FGF12: variants seen among roughly 807,000 people sequenced by gnomAD.
FGF12 encodes the protein fibroblast growth factor 12.
FGF12 carries 14 observed loss-of-function variants against 23.6 expected under a neutral mutation model. The observed-to-expected ratio is 0.59, with a 90% confidence interval of 0.39 to 0.93. FGF12 has a LOEUF of 0.93. Ranked by LOEUF, FGF12 falls within the 40% of genes least tolerant of loss-of-function variation. FGF12 has a pLI of 0.00. For missense variants in FGF12, 175 were observed against 217.8 expected (o/e 0.80, Z 1.24); for synonymous variants, 62 against 77.3 (o/e 0.80, Z 1.04).
intron 4 of FGF12, among the ~76,000 whole-genome samples, chr3:192,248,070 C>A (rs1711747826): frequency 2.0e-5 from 3 of 152,224 alleles, no homozygotes; most frequent in South Asian, 4.2e-4. Context: ...TATCTTGTTC[C>A]AATATACTAT....
At chr3:192,578,120 G>C (rs1712987565) in intron 2 of FGF12, among the ~76,000 whole-genome samples, 1 of 152,132 alleles carries the variant, frequency 6.6e-6, no homozygotes, top group Non-Finnish European at 1.5e-5. Context: ...TGGTACATTT[G>C]TCTGAAAGAT....
chr3:192,192,418 T>A (rs1481299534), intron 4 of FGF12, among the ~76,000 whole-genome samples: 1 of 148,242 alleles, frequency 6.7e-6, no homozygotes, highest in Non-Finnish European at 1.5e-5. Context: ...GTTCAAATCA[T>A]ATATGTACAT....
At chr3:192,545,224 C>A (rs1725466503) in intron 2 of FGF12, among the ~76,000 whole-genome samples, 1 of 152,212 alleles carries the variant, frequency 6.6e-6, no homozygotes, top group African/African-American at 2.4e-5. Flanking sequence ...CACTTGCACT[C>A]TGGCCCCCAA....
chr3:192,609,552 AT>A (rs1481768371), intron 2 of FGF12, among the ~76,000 whole-genome samples: 2 of 152,088 alleles, frequency 1.3e-5, no homozygotes, highest in Non-Finnish European at 2.9e-5. Flanking sequence ...GAAGTCAACA[AT>A]TCCTAATATC....
intron 2 of FGF12, among the ~76,000 whole-genome samples, chr3:192,394,176 G>A (rs531263591): frequency 1.3e-5 from 2 of 152,178 alleles, no homozygotes; most frequent in African/African-American, 2.4e-5. Flanking sequence ...GTAAATAAAC[G>A]TATTTTCTAT....
At chr3:192,536,502 G>C (rs1421512781) in intron 2 of FGF12, among the ~76,000 whole-genome samples, 2 of 152,050 alleles carry the variant, frequency 1.3e-5, no homozygotes, top group Non-Finnish European at 2.9e-5. Context: ...TTGTCAACAA[G>C]TCTCCGAAAG....
chr3:192,391,218 A>G (rs915457931), intron 2 of FGF12, among the ~76,000 whole-genome samples: 7 of 152,334 alleles, frequency 4.6e-5, no homozygotes, highest in African/African-American at 1.7e-4. Context: ...TGTGGACAAC[A>G]ATATGCTCAG....
chr3:192,686,065 G>C (rs114773900), intron 2 of FGF12, among the ~76,000 whole-genome samples: 269 of 152,274 alleles, frequency 1.8e-3, no homozygotes, highest in African/African-American at 6.3e-3. Context: ...AGAGTTGGAA[G>C]GTGAAAAGAA....
chr3:192,559,347 T>A (rs112028772), intron 2 of FGF12, among the ~76,000 whole-genome samples: 49 of 151,986 alleles, frequency 3.2e-4, no homozygotes, highest in African/African-American at 1.1e-3. Flanking sequence ...GGTCAATAGG[T>A]GTATGAAAAC....
At chr3:192,175,819 C>T (rs1715827484) in intron 4 of FGF12, among the ~76,000 whole-genome samples, 1 of 152,132 alleles carries the variant, frequency 6.6e-6, no homozygotes, top group African/African-American at 2.4e-5. Context: ...AACCTCCTCT[C>T]CCTAGAATGC....
chr3:192,688,463 G>T (rs1439757665), intron 2 of FGF12, among the ~76,000 whole-genome samples: 1 of 152,194 alleles, frequency 6.6e-6, no homozygotes, highest in African/African-American at 2.4e-5. Context: ...GCTTTGTAAG[G>T]CTACAAGAAT....
chr3:192,321,570 C>A (rs1716541712), intron 4 of FGF12, among the ~76,000 whole-genome samples: 1 of 147,314 alleles, frequency 6.8e-6, no homozygotes, highest in African/African-American at 2.5e-5. Context: ...AAACACACAA[C>A]AAAATACAGC....
At chr3:192,501,226 G>T (rs150996029) in intron 2 of FGF12, among the ~76,000 whole-genome samples, 1 of 152,096 alleles carries the variant, frequency 6.6e-6, no homozygotes, top group Non-Finnish European at 1.5e-5. Flanking sequence ...AAGAATTGGA[G>T]AATAGAGCTG....
At chr3:192,313,943 A>C (rs1325823611) in intron 4 of FGF12, among the ~76,000 whole-genome samples, 1 of 152,226 alleles carries the variant, frequency 6.6e-6, no homozygotes, top group Non-Finnish European at 1.5e-5. Context: ...CTGGAGGTGG[A>C]GACTTAGAGA....
At chr3:192,365,496 A>C (rs1490531715) in intron 2 of FGF12, among the ~76,000 whole-genome samples, 7 of 152,118 alleles carry the variant, frequency 4.6e-5, no homozygotes, top group Non-Finnish European at 1.0e-4. Flanking sequence ...ATTGTACATT[A>C]ATGTAAGCTG....
intron 2 of FGF12, among the ~76,000 whole-genome samples, chr3:192,695,383 G>A (rs977115717): frequency 2.2e-4 from 33 of 152,066 alleles, no homozygotes; most frequent in Admixed American, 2.0e-3. Context: ...TCTTTGAGGT[G>A]GAAGGTAAGG....
intron 2 of FGF12, among the ~76,000 whole-genome samples, chr3:192,567,269 G>GA (rs1022169766): frequency 1.3e-5 from 2 of 151,918 alleles, no homozygotes; most frequent in Non-Finnish European, 2.9e-5. Flanking sequence ...CTTTAGTGGG[G>GA]AAAAAAATCT....
chr3:192,335,324 C>A, intron 4 of FGF12, 37 bp downstream of exon 4: 1 of 1,375,590 alleles, frequency 7.3e-7, no homozygotes, highest in Non-Finnish European at 1.0e-6. Context: ...TGGTAGTTCA[C>A]ACACATACAC....
chr3:192,609,361 T>A (rs1207801945), intron 2 of FGF12, among the ~76,000 whole-genome samples: 1 of 152,086 alleles, frequency 6.6e-6, no homozygotes, highest in African/African-American at 2.4e-5. Context: ...ACTCTCCAGA[T>A]ATACTTTGGC....
Sources: allele counts gnomAD v4.1 joint callset (sites outside exome capture counted in the v4.1 genomes callset), GRCh38; gene constraint gnomAD v4.1.1; transcripts MANE v1.5; gene names NCBI Gene and HGNC (gene_info 2026-07-23, HGNC 2026-07-21).